PCDHGB1: variants seen among roughly 807,000 people sequenced by gnomAD.
The protein encoded by PCDHGB1 is protocadherin gamma subfamily B, 1.
Under a neutral mutation model 56.6 loss-of-function variants are expected in PCDHGB1, and 34 were observed. The observed-to-expected ratio is 0.60, with a 90% CI of 0.46 to 0.80. The LOEUF is 0.80. Ranked by LOEUF, PCDHGB1 falls within the 30% of genes least tolerant of loss-of-function variation. The pLI is 0.00. For missense variants in PCDHGB1, 1,278 were observed against 1,204.6 expected (o/e 1.06, Z -0.90); for synonymous variants, 561 against 505.9 (o/e 1.11, Z -1.46).
intron 1 of PCDHGB1, chr5:141,360,110 G>A (rs1180892188): frequency 1.3e-6 from 2 of 1,563,150 alleles, no homozygotes; most frequent in Non-Finnish European, 1.7e-6. Context: ...TCCTCCTATG[G>A]GCAAAGGAGC....
chr5:141,414,751 T>C (rs2095785645), intron 1 of PCDHGB1: 4 of 1,614,084 alleles, frequency 2.5e-6, no homozygotes, highest in Non-Finnish European at 1.7e-6. Flanking sequence ...ATCCTTCGAC[T>C]ATGAGCAGTT....
At position 141,356,033 on chromosome 5, in the gene PCDHGB1, C is replaced by T. The variant is rs766818568; in HGVS notation, c.2409+3364C>T. On this transcript the variant is annotated intron_variant, in intron 1 of 3. Coordinates refer to ENST00000523390, the MANE Select transcript of PCDHGB1 (RefSeq NM_018922.3). Reference sequence around the variant, plus strand: ...GATGAAGGAGCCAATGGAGACGTGACGTATTCTTTCCGGAAAGTAAGAGAC... The same window carrying T: ...GATGAAGGAGCCAATGGAGACGTGATGTATTCTTTCCGGAAAGTAAGAGAC... 6.2e-6 allele frequency: 10 copies of T among 1,613,946 alleles called. No homozygotes were observed. The Middle Eastern group carries it at 4.9e-4, about 80-fold the overall frequency.
chr5:141,352,084 C>A lies in PCDHGB1; in HGVS notation c.1824C>A (p.Ser608Arg), dbSNP rs1254924328. 2 of 1,604,412 alleles carry A rather than the reference C, an allele frequency of 1.2e-6. No individual in the cohort carries two copies. Among genetic ancestry groups the A allele is most frequent in the Non-Finnish European group, 8.5e-7 (1 of 1,176,300 alleles). The change falls in exon 1 of 4, where the codon AGC (serine) becomes AGA (arginine). Residue 608 changes from serine to arginine, a missense_variant. Ser to Arg is a moderately radical substitution (Grantham distance 110). Coordinates refer to ENST00000523390, the MANE Select transcript of PCDHGB1 (RefSeq NM_018922.3). ...AWLSYHVLQASEPGLFSLGLR... is the reference protein window; with the variant it reads ...AWLSYHVLQAREPGLFSLGLR... The stretch of plus-strand genomic sequence containing the variant: ...TGTCCTACCACGTGCTGCAGGCCAG[C>A]GAGCCCGGGCTCTTCAGCCTGGGGT...
chr5:141,445,305 T>C (rs899306819), intron 1 of PCDHGB1, among the ~76,000 whole-genome samples: 2 of 152,204 alleles, frequency 1.3e-5, no homozygotes, highest in Non-Finnish European at 1.5e-5. Context: ...TCTCTTCAGT[T>C]TGTAGGTTGA....
Position 141,476,934 on chromosome 5 carries a change from A to G in PCDHGB1, c.2410-17873A>G, listed in dbSNP as rs199685528. On this transcript the variant is annotated intron_variant, in intron 1 of 3. Transcript: ENST00000523390. The surrounding 1 kb of genome is among the most constrained non-coding windows in gnomAD (Gnocchi z 7.6). ...CAAGTCCTTGCAACGGATCTGGATG[A>G]AGGCCCCAACGGTGAAATTATTTAC... 255 of 1,614,164 alleles carry G rather than the reference A, an allele frequency of 1.6e-4. 3 individuals carry two copies. In the South Asian group the frequency reaches 2.6e-3, roughly 16 times the overall value.
rs1288831801 is a variant in PCDHGB1, at chr5:141,477,793, T to C, written c.2410-17014T>C. The C allele has an allele frequency of 6.2e-7, 1 of 1,614,050 alleles. No homozygotes were observed. The highest frequency in any genetic ancestry group is 2.2e-5 in the East Asian group (1 of 44,874). ...TCAGCGTGAACATATTTGTCACTGATCGCAATGACAATGCCCCCCAGGTCC... is the reference window on the plus strand; with the variant it reads ...TCAGCGTGAACATATTTGTCACTGACCGCAATGACAATGCCCCCCAGGTCC... On this transcript the variant is annotated intron_variant, in intron 1 of 3. Coordinates refer to ENST00000523390, the MANE Select transcript of PCDHGB1 (RefSeq NM_018922.3). This position sits in a 1 kb window ranked among gnomAD's most constrained non-coding sequence, Gnocchi z 4.9.
chr5:141,365,680 C>A (rs1281360154), intron 1 of PCDHGB1: 1 of 1,613,514 alleles, frequency 6.2e-7, no homozygotes, highest in South Asian at 1.1e-5. Flanking sequence ...ACAACCCACC[C>A]AATTTCCCTC....
chr5:141,353,490 G>A (rs1435976682), intron 1 of PCDHGB1, among the ~76,000 whole-genome samples: 2 of 152,106 alleles, frequency 1.3e-5, no homozygotes, highest in East Asian at 3.8e-4. Flanking sequence ...TTAACACTTT[G>A]TCTCATCACA....
chr5:141,355,445 G>A (rs1309523681), intron 1 of PCDHGB1: 4 of 1,613,988 alleles, frequency 2.5e-6, no homozygotes, highest in Non-Finnish European at 3.4e-6. Context: ...CCGCGCAGCG[G>A]CACCTTGGTC....
chr5:141,481,179 T>C (rs115525079), intron 1 of PCDHGB1, among the ~76,000 whole-genome samples: 16 of 152,358 alleles, frequency 1.1e-4, no homozygotes, highest in African/African-American at 3.6e-4. Flanking sequence ...TCCAGCTTTA[T>C]TGGGCCAGGC....
intron 1 of PCDHGB1, among the ~76,000 whole-genome samples, chr5:141,471,992 C>T (rs2099268578): frequency 6.6e-6 from 1 of 152,070 alleles, no homozygotes; most frequent in Non-Finnish European, 1.5e-5. Flanking sequence ...TATTAAAAAT[C>T]CCTGCATCGT....
chr5:141,355,972 G>A lies in PCDHGB1; in HGVS notation c.2409+3303G>A. ...AAGTGTTCGTGAGAACGTTCCTGTAGGCACTCGGCTACTCACCGTAAAAGC... is the reference window on the plus strand; with the variant it reads ...AAGTGTTCGTGAGAACGTTCCTGTAAGCACTCGGCTACTCACCGTAAAAGC... On this transcript the variant is annotated intron_variant, in intron 1 of 3. Coordinates refer to ENST00000523390, the MANE Select transcript of PCDHGB1 (RefSeq NM_018922.3). 1 of 1,613,860 alleles carries A rather than the reference G, an allele frequency of 6.2e-7. No homozygotes were observed. Among genetic ancestry groups the A allele is most frequent in the Non-Finnish European group, 8.5e-7 (1 of 1,179,866 alleles).
intron 1 of PCDHGB1, among the ~76,000 whole-genome samples, chr5:141,447,993 T>A (rs2098557542): frequency 6.6e-6 from 1 of 151,554 alleles, no homozygotes; most frequent in Non-Finnish European, 1.5e-5. Context: ...GGCTGAGGCA[T>A]GAGAATCGCT....
At chr5:141,443,853 A>G (rs929370798) in intron 1 of PCDHGB1, among the ~76,000 whole-genome samples, 3 of 152,230 alleles carry the variant, frequency 2.0e-5, no homozygotes, top group African/African-American at 7.2e-5. Flanking sequence ...GGAAAGTCTG[A>G]AAACTGAAAA....
At chr5:141,419,523 G>C in intron 1 of PCDHGB1, 1 of 1,612,204 alleles carries the variant, frequency 6.2e-7, no homozygotes, top group Non-Finnish European at 8.5e-7. Flanking sequence ...GTGGGCGACC[G>C]TAACGACAAC....
At chr5:141,506,226 G>A (rs1248069119) in intron 3 of PCDHGB1, among the ~76,000 whole-genome samples, 3 of 152,152 alleles carry the variant, frequency 2.0e-5, no homozygotes, top group Non-Finnish European at 1.5e-5. Flanking sequence ...TGAGGCAGGA[G>A]GATCATGAGG....
chr5:141,457,680 G>A lies in PCDHGB1; in HGVS notation c.2410-37127G>A, dbSNP rs866876250. 2.6e-5 allele frequency among the ~76,000 whole-genome samples: 4 copies of A among 152,290 alleles called. No individual in the cohort carries two copies. The South Asian group carries it at 8.3e-4, about 32-fold the overall frequency. On this transcript the variant is annotated intron_variant, in intron 1 of 3. Coordinates refer to ENST00000523390, the MANE Select transcript of PCDHGB1 (RefSeq NM_018922.3). The stretch of plus-strand genomic sequence containing the variant: ...AGCAAGAATGGTTATTTCTACATAG[G>A]ACTTTTGGATTGGCTTTGATGAAAC...
intron 1 of PCDHGB1, among the ~76,000 whole-genome samples, chr5:141,368,739 A>G (rs1261663293): frequency 6.6e-6 from 1 of 152,196 alleles, no homozygotes; most frequent in Non-Finnish European, 1.5e-5. Context: ...TATATACCAT[A>G]TACTTTTAAA....
chr5:141,413,198 C>G, intron 1 of PCDHGB1: 1 of 1,611,416 alleles, frequency 6.2e-7, no homozygotes, highest in Non-Finnish European at 8.5e-7. Context: ...AGGAATCGCT[C>G]AAAGGAATCA....
Sources: allele counts gnomAD v4.1 joint callset (sites outside exome capture counted in the v4.1 genomes callset), GRCh38; gene constraint gnomAD v4.1.1; non-coding constraint Gnocchi (gnomAD v3.1); transcripts MANE v1.5; gene names NCBI Gene and HGNC (gene_info 2026-07-23, HGNC 2026-07-21).